Variants in CAST observed in about 807,000 individuals in gnomAD.
CAST encodes the protein calpastatin.
In CAST, 76 loss-of-function variants were observed where a neutral mutation model predicts 119.6. That is an observed-to-expected ratio of 0.64 (90% CI 0.53 to 0.77). The LOEUF (loss-of-function observed/expected upper bound fraction) is 0.77, where lower values mean the gene tolerates loss of function less well. CAST is among the 30% of genes least tolerant of loss of function. The pLI is 0.00. For synonymous variants in CAST, 319 were observed against 331.6 expected, an observed-to-expected ratio of 0.96 and a Z score of 0.41; for missense variants, 953 against 946.5, an observed-to-expected ratio of 1.01 and a Z score of -0.09.
At chr5:96,476,070 T>G in the CAST span, among the ~76,000 whole-genome samples, 1 of 152,180 alleles carries the variant, frequency 6.6e-6, no homozygotes, top group East Asian at 1.9e-4. Flanking sequence ...CCTTCTTCAC[T>G]AGCTGTTGAA....
the CAST span, among the ~76,000 whole-genome samples, chr5:96,184,379 G>A: frequency 6.6e-6 from 1 of 152,070 alleles, no homozygotes; most frequent in African/African-American, 2.4e-5. Context: ...TAAGTTCAAG[G>A]GTACATATGC....
At chr5:96,703,983 G>A (rs1348295718) in intron 3 of CAST, among the ~76,000 whole-genome samples, 3 of 152,130 alleles carry the variant, frequency 2.0e-5, no homozygotes, top group Admixed American at 6.5e-5. Context: ...TGCTGGGGAG[G>A]GTGTGCTGCT....
the CAST span, among the ~76,000 whole-genome samples, chr5:96,426,200 A>C: frequency 6.6e-6 from 1 of 152,180 alleles, no homozygotes; most frequent in Non-Finnish European, 1.5e-5. Context: ...TTGTGGTTAC[A>C]GTGGAAGCAA....
At chr5:96,565,711 G>A (rs149052259) in intron 1 of CAST, among the ~76,000 whole-genome samples, 1 of 151,820 alleles carries the variant, frequency 6.6e-6, no homozygotes, top group Non-Finnish European at 1.5e-5. Context: ...AAGGCAGCCC[G>A]CCAGGCTAGA....
intron 1 of CAST, among the ~76,000 whole-genome samples, chr5:96,549,676 T>C (rs191376862): frequency 6.6e-6 from 1 of 152,308 alleles, no homozygotes; most frequent in East Asian, 1.9e-4. Context: ...GGAGGAACAG[T>C]ACACTCCTGC....
At chr5:96,742,482 A>G (rs1762894392) in intron 15 of CAST, 173 bp from the exon 16 acceptor site, 13 of 584,786 alleles carry the variant, frequency 2.2e-5, no homozygotes, top group Non-Finnish European at 4.0e-5. Context: ...CTCATTGGTA[A>G]GTTCTTTTTC....
chr5:96,181,940 G>A, the CAST span, among the ~76,000 whole-genome samples: 2 of 152,166 alleles, frequency 1.3e-5, no homozygotes, highest in South Asian at 4.1e-4. Flanking sequence ...CAACTGGAAA[G>A]CCTCAGTGGC....
the CAST span, among the ~76,000 whole-genome samples, chr5:96,313,462 A>G: frequency 1.3e-5 from 2 of 152,152 alleles, no homozygotes; most frequent in East Asian, 3.8e-4. Context: ...GGCTTCTTCC[A>G]CTTAGCATAA....
chr5:96,150,659 A>G, the CAST span, among the ~76,000 whole-genome samples: 5 of 152,172 alleles, frequency 3.3e-5, no homozygotes, highest in East Asian at 1.9e-4. Flanking sequence ...AGACTGGGTC[A>G]TCTTGGCAGC....
chr5:96,608,424 G>A (rs1424976134), intron 1 of CAST, among the ~76,000 whole-genome samples: 1 of 152,028 alleles, frequency 6.6e-6, no homozygotes, highest in Non-Finnish European at 1.5e-5. Flanking sequence ...TAAGGTTTTT[G>A]TGGACTAGGT....
the CAST span, among the ~76,000 whole-genome samples, chr5:96,152,208 A>AC: frequency 6.6e-6 from 1 of 152,202 alleles, no homozygotes; most frequent in African/African-American, 2.4e-5. Flanking sequence ...CCTTGCATTG[A>AC]CACACTGATT....
chr5:96,350,973 T>C, the CAST span, among the ~76,000 whole-genome samples: 6 of 152,192 alleles, frequency 3.9e-5, no homozygotes, highest in African/African-American at 1.2e-4. Flanking sequence ...CATGCATTTT[T>C]CTGTGGTCTG....
At chr5:96,438,399 C>A in the CAST span, among the ~76,000 whole-genome samples, 1 of 152,194 alleles carries the variant, frequency 6.6e-6, no homozygotes. Flanking sequence ...TTATATTTTT[C>A]CAACTGTTCT....
At chr5:96,101,422 G>GAGA in the CAST span, among the ~76,000 whole-genome samples, 1 of 152,076 alleles carries the variant, frequency 6.6e-6, no homozygotes, top group Non-Finnish European at 1.5e-5. Flanking sequence ...AAATATTACT[G>GAGA]GCTTCCCATC....
chr5:96,184,001 C>T, the CAST span, among the ~76,000 whole-genome samples: 1 of 152,076 alleles, frequency 6.6e-6, no homozygotes, highest in African/African-American at 2.4e-5. Flanking sequence ...TTCATATTTT[C>T]CAAAGAAAAA....
At chr5:96,028,492 G>A in the CAST span, among the ~76,000 whole-genome samples, 6 of 151,978 alleles carry the variant, frequency 3.9e-5, no homozygotes, top group South Asian at 1.2e-3. Flanking sequence ...AGAACTTAAT[G>A]GAAAATATCA....
chr5:96,291,609 T>C, the CAST span, among the ~76,000 whole-genome samples: 2 of 152,136 alleles, frequency 1.3e-5, no homozygotes, highest in East Asian at 3.8e-4. Context: ...TTCTCTCTCT[T>C]AATTCTATGC....
At chr5:96,119,886 A>G in the CAST span, among the ~76,000 whole-genome samples, 2 of 152,202 alleles carry the variant, frequency 1.3e-5, no homozygotes, top group African/African-American at 4.8e-5. Flanking sequence ...GCTCAGCAGC[A>G]AAATAATCTC....
chr5:96,260,022 C>A, the CAST span, among the ~76,000 whole-genome samples: 10 of 152,096 alleles, frequency 6.6e-5, no homozygotes, highest in African/African-American at 1.7e-4. Context: ...CATTTTCCAT[C>A]CTTTTCTTTT....
Sources: allele counts gnomAD v4.1 joint callset (sites outside exome capture counted in the v4.1 genomes callset), GRCh38; gene constraint gnomAD v4.1.1; transcripts MANE v1.5; gene names NCBI Gene and HGNC (gene_info 2026-07-23, HGNC 2026-07-21).